Variants in SEMA3E observed in about 807,000 individuals in gnomAD.
SEMA3E encodes semaphorin-3E.
In SEMA3E, 49 loss-of-function variants were observed where a neutral mutation model predicts 93.6. That is an observed-to-expected ratio of 0.52 (90% CI 0.42 to 0.66). SEMA3E has a LOEUF of 0.66. SEMA3E is among the 30% of genes least tolerant of loss of function. The pLI is 0.00. For synonymous variants in SEMA3E, 363 were observed against 330.7 expected, an observed-to-expected ratio of 1.10 and a Z score of -1.06; for missense variants, 906 against 964.8, an observed-to-expected ratio of 0.94 and a Z score of 0.81.
intron 4 of SEMA3E, among the ~76,000 whole-genome samples, chr7:83,465,879 A>T (rs561898361): frequency 5.0e-4 from 76 of 152,250 alleles, no homozygotes; most frequent in African/African-American, 1.8e-3. Flanking sequence ...CTTGCTAGTA[A>T]ATATTATATG....
At chr7:83,456,072 G>A (rs1789472021) in intron 4 of SEMA3E, among the ~76,000 whole-genome samples, 1 of 152,194 alleles carries the variant, frequency 6.6e-6, no homozygotes, top group Admixed American at 6.5e-5. Context: ...TAATTTGTTT[G>A]CAAGAAAGAA....
intron 2 of SEMA3E, among the ~76,000 whole-genome samples, chr7:83,486,358 C>T (rs1030696545): frequency 3.3e-5 from 5 of 152,022 alleles, no homozygotes; most frequent in African/African-American, 7.2e-5. Context: ...TATGCATTAT[C>T]CAAGATGTCA....
intron 1 of SEMA3E, among the ~76,000 whole-genome samples, chr7:83,595,625 A>G (rs1447556893): frequency 6.6e-6 from 1 of 151,878 alleles, no homozygotes; most frequent in Non-Finnish European, 1.5e-5. Context: ...CATCCTTTCC[A>G]TGCCTTTCAT....
At chr7:83,568,900 C>A (rs1452590371) in intron 1 of SEMA3E, among the ~76,000 whole-genome samples, 1 of 151,780 alleles carries the variant, frequency 6.6e-6, no homozygotes, top group Non-Finnish European at 1.5e-5. Context: ...ACAAAAAGAA[C>A]AACAAAAGGG....
chr7:83,380,845 A>G (rs1300383101), intron 16 of SEMA3E, among the ~76,000 whole-genome samples: 1 of 151,994 alleles, frequency 6.6e-6, no homozygotes, highest in Non-Finnish European at 1.5e-5. Context: ...AACAGAGAGA[A>G]GAGAACAGAA....
At chr7:83,436,106 A>G (rs1209047120) in intron 4 of SEMA3E, among the ~76,000 whole-genome samples, 1 of 151,992 alleles carries the variant, frequency 6.6e-6, no homozygotes, top group Non-Finnish European at 1.5e-5. Flanking sequence ...TTCAGCTGAA[A>G]TATTTTTTCT....
chr7:83,406,769 T>C (rs2709938), intron 7 of SEMA3E, among the ~76,000 whole-genome samples: 76,604 of 151,792 alleles, frequency 0.5, 22,289 homozygotes, highest in East Asian at 0.85. Context: ...TTATTTGTAC[T>C]GTGTACTAAA....
Position 83,392,689 on chromosome 7 carries a change from C to A in SEMA3E, c.1533G>T (p.Val511=), listed in dbSNP as rs765143049. 3 of 1,613,648 alleles carry A rather than the reference C, an allele frequency of 1.9e-6. No individual in the cohort carries two copies. Among genetic ancestry groups the A allele is most frequent in the East Asian group, 4.5e-5 (2 of 44,868 alleles). Residue 511 remains valine, a synonymous_variant, in exon 14 of 17, where the codon GTG becomes GTT. Coordinates refer to ENST00000643230, the MANE Select transcript of SEMA3E (RefSeq NM_012431.3). ...CACAGTGATGGAATCTGACTTGAGCCACAGCAGAAGCAGATCCAATATACA... is the reference window on the plus strand; with the variant it reads ...CACAGTGATGGAATCTGACTTGAGCAACAGCAGAAGCAGATCCAATATACA... ...QQLYIGSASA[V]AQVRFHHCDM... is the part of the protein sequence containing the mutation.
intron 5 of SEMA3E, among the ~76,000 whole-genome samples, chr7:83,412,064 A>G (rs1420122194): frequency 6.6e-6 from 1 of 152,158 alleles, no homozygotes; most frequent in East Asian, 1.9e-4. Context: ...TGCAGAATCA[A>G]AGAGACTGCC....
At chr7:83,433,809 G>A (rs1176811217) in intron 4 of SEMA3E, among the ~76,000 whole-genome samples, 2 of 151,968 alleles carry the variant, frequency 1.3e-5, no homozygotes. Flanking sequence ...TTATTTGAGG[G>A]TGTAGCTCAA....
chr7:83,387,060 A>C lies in SEMA3E; in HGVS notation c.1668-10T>G, dbSNP rs1284168796. Reference sequence around the variant, plus strand: ...TTGTCTCCGGAAACGCCTGAAAGAAAGTAAATGCATTTAGATGTTCATTTT... The same window carrying C: ...TTGTCTCCGGAAACGCCTGAAAGAACGTAAATGCATTTAGATGTTCATTTT... On this transcript the variant is annotated splice_polypyrimidine_tract_variant and intron_variant, in intron 14 of 16. Coordinates refer to ENST00000643230, the MANE Select transcript of SEMA3E (RefSeq NM_012431.3). 1.2e-6 allele frequency: 2 copies of C among 1,612,264 alleles called. No homozygotes were observed. The highest frequency in any genetic ancestry group is 1.7e-6 in the Non-Finnish European group (2 of 1,179,042).
At chr7:83,469,398 C>CTTTTTT (rs10650403) in intron 2 of SEMA3E, 96 bp from the exon 3 acceptor site, 1,461 of 598,590 alleles carry the variant, frequency 2.4e-3, no homozygotes, top group Middle Eastern at 5.0e-3. Context: ...AAAACATTTC[C>CTTTTTT]TTTTTTTTTT....
chr7:83,607,218 G>A (rs1793143012), intron 1 of SEMA3E, among the ~76,000 whole-genome samples: 1 of 152,196 alleles, frequency 6.6e-6, no homozygotes, highest in Admixed American at 6.5e-5. Context: ...GTCAGTTATT[G>A]TGTCCACATG....
At chr7:83,370,794 C>T (rs1189341434) in intron 16 of SEMA3E, among the ~76,000 whole-genome samples, 1 of 152,100 alleles carries the variant, frequency 6.6e-6, no homozygotes, top group Non-Finnish European at 1.5e-5. Context: ...AAGTATCTAA[C>T]AATAGTCCTT....
chr7:83,517,122 G>T (rs1176540702), intron 1 of SEMA3E, among the ~76,000 whole-genome samples: 1 of 151,984 alleles, frequency 6.6e-6, no homozygotes, highest in Non-Finnish European at 1.5e-5. Flanking sequence ...TCCTTTCAGG[G>T]TCTATAAGCA....
chr7:83,596,015 A>G (rs28704154), intron 1 of SEMA3E, among the ~76,000 whole-genome samples: 2,652 of 151,878 alleles, frequency 0.017, 73 homozygotes, highest in African/African-American at 0.059. Flanking sequence ...AGGATTTCTT[A>G]TTTTCCTCAT....
At chr7:83,462,607 C>A (rs1584264884) in intron 4 of SEMA3E, among the ~76,000 whole-genome samples, 2 of 152,046 alleles carry the variant, frequency 1.3e-5, no homozygotes, top group East Asian at 3.9e-4. Flanking sequence ...CACCCCTTAC[C>A]ATCTCATTAA....
intron 1 of SEMA3E, among the ~76,000 whole-genome samples, chr7:83,519,161 C>T (rs1584304339): frequency 6.6e-6 from 1 of 151,858 alleles, no homozygotes; most frequent in Non-Finnish European, 1.5e-5. Context: ...GTGATGTTCC[C>T]CTTCCTGTGT....
intron 1 of SEMA3E, among the ~76,000 whole-genome samples, chr7:83,623,457 G>A (rs776643875): frequency 7.2e-5 from 11 of 151,868 alleles, no homozygotes; most frequent in East Asian, 1.9e-4. Context: ...CTACATATCC[G>A]AAAGAAAATT....
Sources: allele counts gnomAD v4.1 joint callset (sites outside exome capture counted in the v4.1 genomes callset), GRCh38; gene constraint gnomAD v4.1.1; transcripts MANE v1.5; gene names NCBI Gene and HGNC (gene_info 2026-07-23, HGNC 2026-07-21).